Variants in LMNTD1 observed in about 807,000 individuals in gnomAD.
The protein encoded by LMNTD1 is lamin tail domain containing 1.
LMNTD1 carries 35 observed loss-of-function variants against 50.9 expected under a neutral mutation model. The observed-to-expected ratio is 0.69, with a 90% CI of 0.53 to 0.91. LMNTD1 has a LOEUF of 0.91. Among genes scored for constraint, LMNTD1 ranks in the 40% least tolerant of loss-of-function variants. The pLI is 0.00. For missense variants in LMNTD1, 470 were observed against 475.5 expected, an observed-to-expected ratio of 0.99 and a Z score of 0.11; for synonymous variants, 153 against 161.9, an observed-to-expected ratio of 0.94 and a Z score of 0.42.
At chr12:25,629,981 C>T (rs1946679266) in intron 1 of LMNTD1, among the ~76,000 whole-genome samples, 2 of 152,066 alleles carry the variant, frequency 1.3e-5, no homozygotes, top group South Asian at 4.2e-4. Context: ...TTCGTGGATG[C>T]TAACCAATGG....
chr12:25,647,704 C>T (rs890857707), intron 1 of LMNTD1, among the ~76,000 whole-genome samples: 1 of 152,196 alleles, frequency 6.6e-6, no homozygotes, highest in Admixed American at 6.5e-5. Context: ...AATTCATCAT[C>T]TTCTGAGTTC....
At chr12:25,609,644 C>A (rs896315083) in intron 1 of LMNTD1, among the ~76,000 whole-genome samples, 1 of 152,204 alleles carries the variant, frequency 6.6e-6, no homozygotes, top group Admixed American at 6.5e-5. Context: ...CTGGGTATCA[C>A]CAGCGGAGGC....
chr12:25,594,651 C>CAAAAAAAAAAAA (rs61299586), intron 1 of LMNTD1, among the ~76,000 whole-genome samples: 105 of 69,850 alleles, frequency 1.5e-3, no homozygotes, highest in Middle Eastern at 0.012. Context: ...AACAGAAATA[C>CAAAAAAAAAAAA]AAAAAAAAAA....
intron 1 of LMNTD1, among the ~76,000 whole-genome samples, chr12:25,583,690 G>T (rs958713614): frequency 1.4e-4 from 22 of 152,184 alleles, no homozygotes; most frequent in African/African-American, 5.3e-4. Context: ...AGAGATCTGA[G>T]ATAGGACCTG....
chr12:25,544,527 T>C (rs1565461611), intron 4 of LMNTD1, among the ~76,000 whole-genome samples: 1 of 151,988 alleles, frequency 6.6e-6, no homozygotes, highest in East Asian at 1.9e-4. Flanking sequence ...CTCTATGCCT[T>C]TAAATTGAGT....
At chr12:25,526,729 G>T in intron 5 of LMNTD1, 40 bp downstream of exon 5, 1 of 1,406,166 alleles carries the variant, frequency 7.1e-7, no homozygotes, top group Non-Finnish European at 9.8e-7. Flanking sequence ...AGTTTGTCCT[G>T]TACAATTCTA....
chr12:25,617,528 G>A (rs1946374614), intron 1 of LMNTD1, among the ~76,000 whole-genome samples: 1 of 152,180 alleles, frequency 6.6e-6, no homozygotes, highest in Non-Finnish European at 1.5e-5. Context: ...AGAGGCAGGT[G>A]ACAGGTATAG....
intron 1 of LMNTD1, among the ~76,000 whole-genome samples, chr12:25,645,467 T>G (rs1947049025): frequency 6.6e-6 from 1 of 152,214 alleles, no homozygotes; most frequent in Admixed American, 6.5e-5. Flanking sequence ...TGCTCATACA[T>G]TATTACTGGA....
chr12:25,500,615 A>T (rs540669761), intron 9 of LMNTD1, among the ~76,000 whole-genome samples: 1 of 152,248 alleles, frequency 6.6e-6, no homozygotes, highest in Non-Finnish European at 1.5e-5. Context: ...AGTTCTGGTG[A>T]TCTGTAACAA....
At position 25,546,532 on chromosome 12, in the gene LMNTD1, C is replaced by T. The variant is rs1248724177; in HGVS notation, c.333G>A (p.Pro111=). ...TCATGGGTGATTCATCCTGTTTCTT[C>T]GGAACTGAGAAGGGGCTGGCATCTT... The part of the protein sequence containing the change: ...NSLDASPFSV[P]KKQDESPMIG... The change falls in exon 4 of 10, where the codon CCG becomes CCA. Residue 111 remains proline (P), a synonymous_variant. Transcript: ENST00000458174. 19 of 1,559,216 alleles carry T rather than the reference C, an allele frequency of 1.2e-5. No individual in the cohort carries two copies. The highest frequency in any genetic ancestry group is 7.3e-5 in the Admixed American group (4 of 55,016).
intron 8 of LMNTD1, among the ~76,000 whole-genome samples, chr12:25,514,544 G>A (rs1940601616): frequency 8.6e-6 from 1 of 116,468 alleles, no homozygotes; most frequent in South Asian, 3.4e-4. Flanking sequence ...GGGAGGTAAG[G>A]ATGGTTAATG....
chr12:25,490,812 C>T (rs755445030), intron 9 of LMNTD1, among the ~76,000 whole-genome samples: 1 of 152,022 alleles, frequency 6.6e-6, no homozygotes, highest in Non-Finnish European at 1.5e-5. Context: ...CACTAACCAC[C>T]CAGGAAGAGA....
At chr12:25,526,006 A>G (rs1941679405) in intron 6 of LMNTD1, 93 bp downstream of exon 6, 1 of 1,002,316 alleles carries the variant, frequency 1.0e-6, no homozygotes, top group Non-Finnish European at 1.3e-6. Flanking sequence ...ACTTAGACAC[A>G]TTGTATAAAA....
intron 1 of LMNTD1, among the ~76,000 whole-genome samples, chr12:25,586,754 G>A (rs1253166544): frequency 6.6e-6 from 1 of 152,204 alleles, no homozygotes; most frequent in Non-Finnish European, 1.5e-5. Context: ...TGATACGATG[G>A]TGAACTGGAT....
chr12:25,615,634 T>C (rs539410598), intron 1 of LMNTD1, among the ~76,000 whole-genome samples: 45 of 152,056 alleles, frequency 3.0e-4, no homozygotes, highest in Non-Finnish European at 6.5e-4. Flanking sequence ...CTAATTTTTC[T>C]ATTTTTGGTA....
At chr12:25,537,477 C>A (rs1446040118) in intron 4 of LMNTD1, among the ~76,000 whole-genome samples, 2 of 152,216 alleles carry the variant, frequency 1.3e-5, no homozygotes, top group African/African-American at 4.8e-5. Context: ...ACACCTCACA[C>A]TGCAGGGTAC....
intron 1 of LMNTD1, among the ~76,000 whole-genome samples, chr12:25,571,554 A>G (rs1307544888): frequency 6.6e-6 from 1 of 151,978 alleles, no homozygotes; most frequent in Non-Finnish European, 1.5e-5. Context: ...TAGTAGAGAC[A>G]GGGTTTCACT....
At chr12:25,549,149 C>A (rs1943603539) in intron 3 of LMNTD1, among the ~76,000 whole-genome samples, 177 bp downstream of exon 3, 2 of 151,922 alleles carry the variant, frequency 1.3e-5, no homozygotes, top group South Asian at 4.1e-4. Flanking sequence ...GAATTTAATA[C>A]CCCAGTTCTA....
At chr12:25,639,172 G>T (rs929120711) in intron 1 of LMNTD1, among the ~76,000 whole-genome samples, 2 of 151,992 alleles carry the variant, frequency 1.3e-5, no homozygotes, top group African/African-American at 4.8e-5. Context: ...CCTCAAAATG[G>T]ATCATAGACC....
Sources: allele counts gnomAD v4.1 joint callset (sites outside exome capture counted in the v4.1 genomes callset), GRCh38; gene constraint gnomAD v4.1.1; transcripts MANE v1.5; gene names NCBI Gene and HGNC (gene_info 2026-07-23, HGNC 2026-07-21).